NPY4R: variants seen among roughly 807,000 people sequenced by gnomAD.
NPY4R encodes neuropeptide Y receptor type 4.
A neutral mutation model predicts 11.9 loss-of-function variants in NPY4R; 2 were observed. The ratio of observed to expected loss-of-function variants is 0.17; its 90% CI spans 0.07 to 0.53. NPY4R has a LOEUF of 0.53. NPY4R is among the 20% of genes least tolerant of loss of function. NPY4R has a pLI of 0.94. For missense variants in NPY4R, 26 were observed against 280.2 expected, an observed-to-expected ratio of 0.09 and a Z score of 6.48; for synonymous variants, 8 against 121.7, an observed-to-expected ratio of 0.07 and a Z score of 6.15.
At chr10:46,466,280 CTT>C (rs1460875090), upstream of NPY4R, among the ~76,000 whole-genome samples, 248 of 66,790 alleles carry the variant, frequency 3.7e-3, 28 homozygotes, top group Non-Finnish European at 5.9e-3. Context: ...TTCTTTCTTT[CTT>C]TCTCTCTCTC....
upstream of NPY4R, among the ~76,000 whole-genome samples, chr10:46,466,247 CT>C (rs1257277143): frequency 6.0e-4 from 41 of 68,720 alleles, no homozygotes; most frequent in Admixed American, 1.3e-3. Flanking sequence ...TTCTTTCTTT[CT>C]TTCTTTCTTT....
intron 1 of NPY4R, among the ~76,000 whole-genome samples, chr10:46,464,097 G>A (rs1554990523): frequency 2.0e-5 from 3 of 149,376 alleles, no homozygotes; most frequent in East Asian, 2.0e-4. Context: ...TCTATTTGTC[G>A]GCTGTCATGA....
upstream of NPY4R, among the ~76,000 whole-genome samples, chr10:46,466,223 CT>C (rs1231426385): frequency 1.5e-5 from 1 of 65,554 alleles, no homozygotes; most frequent in African/African-American, 9.5e-5. Context: ...TTCTTTCTTT[CT>C]TTCTTTCTTT....
Position 46,465,945 on chromosome 10 carries a change from C to T in NPY4R, c.-483G>A, listed in dbSNP as rs1248452466. ...ACCTGCTCCTGCTGCCCCGATGCTG[C>T]CTGCGTGCGGAGTGGAGCGGCTGCT... On this transcript the variant is annotated 5_prime_UTR_variant, in exon 1 of 3. Transcript: ENST00000374312. 1 of 157,884 alleles carries T rather than the reference C, an allele frequency of 6.3e-6. No individual in the cohort carries two copies. The highest frequency in any genetic ancestry group is 1.4e-5 in the Non-Finnish European group (1 of 72,776). 9.8% of individuals were successfully genotyped at this position (157,884 alleles called of 1,614,324 possible). A position where few individuals can be genotyped will look rare whatever the true frequency, so the allele number is the denominator to read the frequency against.
upstream of NPY4R, among the ~76,000 whole-genome samples, chr10:46,466,179 CTCTCTTTCTTTCTTTCTTTCTT>C (rs1841015317): frequency 1.9e-4 from 4 of 20,626 alleles, no homozygotes; most frequent in Non-Finnish European, 3.8e-4. Flanking sequence ...CGCTGTCTTT[CTCTCTTTCTTTCTTTCTTTCTT>C]TCTTTCTTTC....
At chr10:46,466,239 CTTTCTTTCT>C (rs1841031851), upstream of NPY4R, among the ~76,000 whole-genome samples, 5 of 69,406 alleles carry the variant, frequency 7.2e-5, no homozygotes, top group Admixed American at 1.4e-4. Context: ...TTCTTTCTTT[CTTTCTTTCT>C]TTCTTTCTTT....
chr10:46,466,244 TTTC>T (rs1491403369), upstream of NPY4R, among the ~76,000 whole-genome samples: 33 of 72,440 alleles, frequency 4.6e-4, 3 homozygotes, highest in Middle Eastern at 6.3e-3. Flanking sequence ...TCTTTCTTTC[TTTC>T]TTTCTTTCTT....
At chr10:46,466,211 CT>C (rs1474254309), upstream of NPY4R, among the ~76,000 whole-genome samples, 2 of 58,198 alleles carry the variant, frequency 3.4e-5, no homozygotes, top group Non-Finnish European at 6.6e-5. Flanking sequence ...TTCTTTCTTT[CT>C]TTCTTTCTTT....
chr10:46,466,261 TTCCTTTCTTTCTTTCTTTCTTTC>T (rs1841041617), upstream of NPY4R, among the ~76,000 whole-genome samples: 73 of 62,770 alleles, frequency 1.2e-3, 6 homozygotes, highest in African/African-American at 6.1e-3. Context: ...CTTTCTTTCT[TTCCTTTCTTTCTTTCTTTCTTTC>T]TCTCTCTCTC....
At chr10:46,466,213 TTC>T (rs1565142334), upstream of NPY4R, among the ~76,000 whole-genome samples, 2 of 58,622 alleles carry the variant, frequency 3.4e-5, no homozygotes, top group Non-Finnish European at 3.3e-5. Context: ...CTTTCTTTCT[TTC>T]TTTCTTTCTT....
upstream of NPY4R, among the ~76,000 whole-genome samples, chr10:46,467,457 C>T (rs372101097): frequency 2.7e-5 from 4 of 149,666 alleles, no homozygotes; most frequent in African/African-American, 9.7e-5. Context: ...ACCCCAGCTC[C>T]GATGTCCCTG....
upstream of NPY4R, among the ~76,000 whole-genome samples, chr10:46,466,193 T>C (rs797023564): frequency 0.02 from 376 of 19,064 alleles, 2 homozygotes; most frequent in East Asian, 0.061. Context: ...CTTTCTTTCT[T>C]TCTTTCTTTC....
chr10:46,466,183 C>CTCTCTCT (rs1190917672), upstream of NPY4R, among the ~76,000 whole-genome samples: 5 of 93,836 alleles, frequency 5.3e-5, no homozygotes, highest in African/African-American at 2.2e-4. Context: ...GTCTTTCTCT[C>CTCTCTCT]TTTCTTTCTT....
upstream of NPY4R, among the ~76,000 whole-genome samples, chr10:46,470,667 C>G (rs573419770): frequency 3.9e-4 from 11 of 28,558 alleles, no homozygotes; most frequent in Admixed American, 6.5e-4. Flanking sequence ...CTGCTCCACA[C>G]CTAGACAGGT....
upstream of NPY4R, among the ~76,000 whole-genome samples, chr10:46,466,143 C>T (rs1324538085): frequency 6.9e-6 from 1 of 144,874 alleles, no homozygotes; most frequent in African/African-American, 2.5e-5. Context: ...CCCACCTCAA[C>T]CCTGGATACA....
At chr10:46,466,006 CGCCCGCCCACGAGAGGGCTCCA>C (rs1253772803), upstream of NPY4R, 23 of 153,344 alleles carry the variant, frequency 1.5e-4, no homozygotes, top group African/African-American at 5.5e-4. Context: ...CTGCCCCTTG[CGCCCGCCCACGAGAGGGCTCCA>C]GCCGCCCGCC....
At chr10:46,466,181 CTCTTTCTTTCTTTCTTTCTTTCTTTCTT>C (rs1171598410), upstream of NPY4R, among the ~76,000 whole-genome samples, 44 of 22,294 alleles carry the variant, frequency 2.0e-3, 2 homozygotes, top group Admixed American at 4.8e-3. Flanking sequence ...CTGTCTTTCT[CTCTTTCTTTCTTTCTTTCTTTCTTTCTT>C]TCTTTCTTTC....
upstream of NPY4R, among the ~76,000 whole-genome samples, chr10:46,466,255 CTTT>C (rs1841038975): frequency 3.3e-3 from 211 of 64,446 alleles, 5 homozygotes; most frequent in Middle Eastern, 0.023. Flanking sequence ...TTCTTTCTTT[CTTT>C]CTTTCCTTTC....
chr10:46,466,274 T>TCTCTC (rs1841046214), upstream of NPY4R, among the ~76,000 whole-genome samples: 1 of 60,388 alleles, frequency 1.7e-5, no homozygotes, highest in African/African-American at 8.9e-5. Flanking sequence ...CTTTCTTTCT[T>TCTCTC]TCTTTCTTTC....
Sources: allele counts gnomAD v4.1 joint callset (sites outside exome capture counted in the v4.1 genomes callset), GRCh38; gene constraint gnomAD v4.1.1; transcripts MANE v1.5; gene names NCBI Gene and HGNC (gene_info 2026-07-23, HGNC 2026-07-21).